VPS26A: variants seen among roughly 807,000 people sequenced by gnomAD.
VPS26A encodes VPS26 retromer complex component A, also known as vacuolar protein sorting-associated protein 26A.
A neutral mutation model predicts 42.4 loss-of-function variants in VPS26A; 22 were observed. That is an observed-to-expected ratio of 0.52 (90% CI 0.37 to 0.74). The LOEUF (loss-of-function observed/expected upper bound fraction) is 0.74. Ranked by LOEUF, VPS26A falls within the 30% of genes least tolerant of loss-of-function variation. VPS26A has a pLI of 0.00. For missense variants in VPS26A, 276 were observed against 379.2 expected (o/e 0.73, Z 2.26); for synonymous variants, 110 against 123.5 (o/e 0.89, Z 0.73).
chr10:69,127,959 A>G (rs1023708228), intron 1 of VPS26A, among the ~76,000 whole-genome samples: 3 of 151,902 alleles, frequency 2.0e-5, no homozygotes, highest in Non-Finnish European at 2.9e-5. Context: ...CAGCTTCCCA[A>G]AGTGCTAGGA....
Position 69,132,951 on chromosome 10 carries a change from T to C in VPS26A, c.57T>C (p.Asn19=). Residue 19 remains asparagine, a synonymous_variant, in exon 2 of 9, where the codon AAT becomes AAC. Transcript: ENST00000263559. The part of the protein sequence containing the change: ...GPICEIDIVL[N]DGETRKMAEM... ...TTTGTGAGATCGATATTGTTCTTAA[T>C]GATGGGGAAACCAGGAAAATGGCAG... 1.9e-6 allele frequency: 3 copies of C among 1,612,092 alleles called. No homozygotes were observed. The highest frequency in any genetic ancestry group is 2.5e-6 in the Non-Finnish European group (3 of 1,179,622).
intron 1 of VPS26A, among the ~76,000 whole-genome samples, chr10:69,131,022 G>T (rs1193546959): frequency 4.6e-5 from 7 of 152,008 alleles, no homozygotes; most frequent in Non-Finnish European, 7.4e-5. Flanking sequence ...TTCTTGCTCT[G>T]TTGCCCGGGC....
intron 1 of VPS26A, among the ~76,000 whole-genome samples, chr10:69,130,570 T>C (rs1412169308): frequency 6.6e-6 from 1 of 152,188 alleles, no homozygotes; most frequent in African/African-American, 2.4e-5. Context: ...GTAAAATAAC[T>C]ATGAAAAAGT....
chr10:69,162,577 A>G, intron 6 of VPS26A, 65 bp downstream of exon 6: 1 of 1,067,642 alleles, frequency 9.4e-7, no homozygotes, highest in Non-Finnish European at 1.3e-6. Flanking sequence ...AAATCTTAAA[A>G]TATTGTTTAA....
intron 8 of VPS26A, among the ~76,000 whole-genome samples, chr10:69,170,944 G>A (rs1042564692): frequency 6.6e-6 from 1 of 152,178 alleles, no homozygotes; most frequent in African/African-American, 2.4e-5. Flanking sequence ...ATTGGTGGTG[G>A]TGGAATGCAT....
At chr10:69,164,932 G>GTT (rs71487441) in intron 6 of VPS26A, among the ~76,000 whole-genome samples, 29 of 141,352 alleles carry the variant, frequency 2.1e-4, no homozygotes, top group Non-Finnish European at 2.8e-4. Context: ...ATTGTTGGGT[G>GTT]TTTTTTTTTT....
intron 4 of VPS26A, 22 bp from the exon 5 acceptor site, chr10:69,158,025 C>T (rs761360270): frequency 1.3e-5 from 21 of 1,563,212 alleles, no homozygotes; most frequent in Admixed American, 5.9e-5. Flanking sequence ...TTTAACTCAT[C>T]GACTCTCTTT....
Position 69,132,989 on chromosome 10 carries a change from A to C in VPS26A, c.95A>C (p.Glu32Ala). Residue 32 changes from glutamate (E) to alanine (A), a missense_variant, in exon 2 of 9, where the codon GAA becomes GCA. Glu to Ala is a moderately radical substitution (Grantham distance 107). Coordinates refer to ENST00000263559, the MANE Select transcript of VPS26A (RefSeq NM_004896.5). ...AGGAAAATGGCAGAAATGAAAACTG[A>C]AGATGGCAAAGTAGAAAAACACTAT... ...ETRKMAEMKT[E>A]DGKVEKHYLF... 1 of 1,613,312 alleles carries C rather than the reference A, an allele frequency of 6.2e-7. No homozygotes were observed. The highest frequency in any genetic ancestry group is 8.5e-7 in the Non-Finnish European group (1 of 1,179,850).
chr10:69,153,008 A>G (rs1311867637), intron 2 of VPS26A, among the ~76,000 whole-genome samples: 1 of 149,208 alleles, frequency 6.7e-6, no homozygotes, highest in Non-Finnish European at 1.5e-5. Flanking sequence ...GCTTTTTTGT[A>G]TGAAAAAGGA....
chr10:69,155,945 G>T, intron 3 of VPS26A, 58 bp downstream of exon 3: 3 of 1,364,014 alleles, frequency 2.2e-6, no homozygotes, highest in Non-Finnish European at 3.0e-6. Flanking sequence ...GAAGAGGGTT[G>T]GATTTTGCAC....
At chr10:69,140,131 G>A (rs1183971673) in intron 2 of VPS26A, among the ~76,000 whole-genome samples, 4 of 151,324 alleles carry the variant, frequency 2.6e-5, no homozygotes, top group African/African-American at 9.7e-5. Context: ...GCAGTGGCAT[G>A]ACTATGGCTC....
At chr10:69,164,617 T>C (rs1242643733) in intron 6 of VPS26A, among the ~76,000 whole-genome samples, 2 of 152,218 alleles carry the variant, frequency 1.3e-5, no homozygotes, top group African/African-American at 4.8e-5. Flanking sequence ...GTAGTCAGAT[T>C]TATCAGTTTT....
intron 1 of VPS26A, among the ~76,000 whole-genome samples, chr10:69,128,372 C>G (rs1017508481): frequency 2.6e-5 from 4 of 151,834 alleles, no homozygotes; most frequent in Non-Finnish European, 4.4e-5. Flanking sequence ...GCTGGGACTA[C>G]AAGTGCATGC....
rs1278511641 is a variant in VPS26A at position 69,174,116 on chromosome 10, GCT to G, written c.*2850_*2851del. Among the ~76,000 whole-genome samples the G allele has an allele frequency of 6.6e-6, 1 of 152,210 alleles. No individual in the cohort carries two copies. Among genetic ancestry groups the G allele is most frequent in the Non-Finnish European group, 1.5e-5 (1 of 68,038 alleles). On this transcript the variant is annotated 3_prime_UTR_variant, in exon 9 of 9. Transcript: ENST00000263559. ...TCGGGTCCCCCTCCATACTGTGGAAGCTCTGTTCTTTCACTCTTCACGATACA... is the reference window on the plus strand; with the variant it reads ...TCGGGTCCCCCTCCATACTGTGGAAGCTGTTCTTTCACTCTTCACGATACA...
intron 3 of VPS26A, among the ~76,000 whole-genome samples, chr10:69,156,294 A>G (rs1331769742): frequency 6.6e-6 from 1 of 151,898 alleles, no homozygotes; most frequent in African/African-American, 2.4e-5. Context: ...TCAACACACA[A>G]TTCCATGTGA....
At chr10:69,156,000 G>T (rs1216461758) in intron 3 of VPS26A, 113 bp downstream of exon 3, 15 of 746,820 alleles carry the variant, frequency 2.0e-5, no homozygotes, top group Admixed American at 5.6e-5. Context: ...GGAAGGAATT[G>T]ATTTTGCATA....
chr10:69,129,704 T>C (rs2132183788), intron 1 of VPS26A, among the ~76,000 whole-genome samples: 1 of 152,232 alleles, frequency 6.6e-6, no homozygotes, highest in Admixed American at 6.5e-5. Context: ...TTTGTATGTT[T>C]AGTAGAGACG....
intron 6 of VPS26A, among the ~76,000 whole-genome samples, chr10:69,165,585 C>G (rs1841666804): frequency 6.6e-6 from 1 of 152,046 alleles, no homozygotes; most frequent in Non-Finnish European, 1.5e-5. Flanking sequence ...GCGGGCAGAT[C>G]ACTTGAACCC....
At chr10:69,163,922 C>T (rs1414141106) in intron 6 of VPS26A, among the ~76,000 whole-genome samples, 5 of 151,344 alleles carry the variant, frequency 3.3e-5, no homozygotes, top group Non-Finnish European at 5.9e-5. Flanking sequence ...CCCACCATCA[C>T]GCCCGGCTAA....
Sources: allele counts gnomAD v4.1 joint callset (sites outside exome capture counted in the v4.1 genomes callset), GRCh38; gene constraint gnomAD v4.1.1; transcripts MANE v1.5; gene names NCBI Gene and HGNC (gene_info 2026-07-23, HGNC 2026-07-21).